TXNDC11: variants seen among roughly 807,000 people sequenced by gnomAD.
TXNDC11 encodes thioredoxin domain-containing protein 11.
In TXNDC11, 68 loss-of-function variants were observed where a neutral mutation model predicts 78.0. The ratio of observed to expected loss-of-function variants is 0.87; its 90% CI spans 0.72 to 1.07. The LOEUF is 1.07. TXNDC11 is among the 50% of genes least tolerant of loss of function. TXNDC11 has a pLI of 0.00. For missense variants in TXNDC11, 1,389 were observed against 1,221.8 expected, an observed-to-expected ratio of 1.14 and a Z score of -2.04; for synonymous variants, 571 against 495.2, an observed-to-expected ratio of 1.15 and a Z score of -2.03.
chr16:11,679,200 C>G lies in TXNDC11; in HGVS notation c.2872G>C (p.Asp958His), dbSNP rs780104836. Residue 958 changes from aspartate (D) to histidine (H), a missense_variant, in exon 12 of 12, where the codon GAC becomes CAC. Physicochemically the swap from Asp to His is moderately conservative, Grantham distance 81. Transcript: ENST00000283033. The surrounding 1 kb of genome is among the most constrained non-coding windows in gnomAD (Gnocchi z 4.6). ...VSERNKENRT[D>H] ...TCTTCATATCATTTAAAAAGTTAGTCTGTCCTGTTCTCCTTATTCCTTTCA... is the reference window on the plus strand; with the variant it reads ...TCTTCATATCATTTAAAAAGTTAGTGTGTCCTGTTCTCCTTATTCCTTTCA... The G allele has an allele frequency of 6.2e-7, 1 of 1,613,272 alleles. No individual in the cohort carries two copies. Among genetic ancestry groups the G allele is most frequent in the East Asian group, 2.2e-5 (1 of 44,878 alleles).
chr16:11,679,605 G>A lies in TXNDC11; in HGVS notation c.2467C>T (p.Gln823Ter). Residue 823 changes from glutamine (Q) to a stop codon, truncating the protein, a stop_gained, in exon 12 of 12, where the codon CAG becomes TAG. Coordinates refer to ENST00000283033, the MANE Select transcript of TXNDC11 (RefSeq NM_015914.7). LOFTEE classifies it low-confidence loss of function (END_TRUNC). This position sits in a 1 kb window ranked among gnomAD's most constrained non-coding sequence, Gnocchi z 4.6. ...EISSLQRAQV[Q>*]VESQLSSARR... ...GCACTGGAGAGCTGGGACTCCACCT[G>A]CACTTGTGCTCGCTGGAGGCTGCTT... The A allele has an allele frequency of 2.5e-6, 4 of 1,614,158 alleles. No individual in the cohort carries two copies. The highest frequency in any genetic ancestry group is 3.4e-6 in the Non-Finnish European group (4 of 1,180,036).
chr16:11,709,484 G>C (rs568369277), intron 5 of TXNDC11, among the ~76,000 whole-genome samples: 123 of 139,372 alleles, frequency 8.8e-4, no homozygotes, highest in Non-Finnish European at 1.1e-3. Flanking sequence ...GCCCAGGCTG[G>C]AGTGCAGTGG....
At chr16:11,681,557 T>C (rs1041839675) in intron 11 of TXNDC11, among the ~76,000 whole-genome samples, 1 of 152,282 alleles carries the variant, frequency 6.6e-6, no homozygotes, top group Middle Eastern at 3.4e-3. Context: ...GAGGTCCCCA[T>C]GTCTATGCAA....
chr16:11,699,451 G>A (rs1025909072), intron 6 of TXNDC11, among the ~76,000 whole-genome samples: 2 of 152,254 alleles, frequency 1.3e-5, no homozygotes, highest in Non-Finnish European at 2.9e-5. Context: ...TAGGTGGGCA[G>A]CAGAGAAACA....
chr16:11,721,665 T>G lies in TXNDC11; in HGVS notation c.705A>C (p.Gly235=), dbSNP rs556690714. The change falls in exon 5 of 12, where the codon GGA becomes GGC. Residue 235 remains glycine (G), a synonymous_variant. Transcript: ENST00000283033. The part of the protein sequence containing the change: ...LLDFLSNYEP[G]VLGYFEFSGS... ...CACTGAACTCAAAGTACCCGAGTAC[T>G]CCAGGCTGCAGGAAAAAGAGCAGAA... 4.4e-5 allele frequency: 70 copies of G among 1,608,120 alleles called. No individual in the cohort carries two copies. The East Asian group carries it at 1.2e-3, about 28-fold the overall frequency.
chr16:11,737,263 T>C (rs768997579), intron 1 of TXNDC11, among the ~76,000 whole-genome samples: 13 of 151,378 alleles, frequency 8.6e-5, no homozygotes, highest in Admixed American at 2.0e-4. Flanking sequence ...CTGGCCAACA[T>C]GGTGAAACCC....
chr16:11,680,191 G>T (rs1179721019), intron 11 of TXNDC11, among the ~76,000 whole-genome samples: 3 of 152,244 alleles, frequency 2.0e-5, no homozygotes, highest in Non-Finnish European at 4.4e-5. Flanking sequence ...GAGATGCCCA[G>T]CGGCTGTGTC....
Position 11,697,975 on chromosome 16 carries a change from G to A in TXNDC11, c.1107+150C>T, listed in dbSNP as rs965627952. On this transcript the variant is annotated intron_variant, in intron 7 of 11. Coordinates refer to ENST00000283033, the MANE Select transcript of TXNDC11 (RefSeq NM_015914.7). ...GACACGGGCTCTCTCCTGCCCATAT[G>A]GAGGGGCAAAGAGCAATGCTCAGAG... The A allele has an allele frequency of 9.6e-6, 7 of 726,582 alleles. No homozygotes were observed. The African/African-American group carries it at 1.2e-4, about 13-fold the overall frequency. 45.0% of individuals were successfully genotyped at this position (726,582 alleles called of 1,614,324 possible).
At chr16:11,700,394 G>A in intron 6 of TXNDC11, 58 bp downstream of exon 6, 1 of 778,710 alleles carries the variant, frequency 1.3e-6, no homozygotes, top group Admixed American at 2.4e-5. Flanking sequence ...AGGAGTCTGT[G>A]ACCTAAACAA....
intron 5 of TXNDC11, among the ~76,000 whole-genome samples, chr16:11,703,941 A>G (rs1656969194): frequency 1.3e-5 from 2 of 152,206 alleles, no homozygotes; most frequent in South Asian, 4.1e-4. Context: ...AAAATACAAG[A>G]ATTAGCCGGA....
At chr16:11,704,969 G>A (rs180833153) in intron 5 of TXNDC11, among the ~76,000 whole-genome samples, 93 of 151,844 alleles carry the variant, frequency 6.1e-4, no homozygotes, top group African/African-American at 2.2e-3. Context: ...GAGTACAGTG[G>A]TGCATCTCGG....
At chr16:11,737,564 G>A (rs1024184865) in intron 1 of TXNDC11, among the ~76,000 whole-genome samples, 12 of 150,816 alleles carry the variant, frequency 8.0e-5, no homozygotes, top group African/African-American at 2.9e-4. Context: ...CAACAATTAC[G>A]TTAAATATAA....
chr16:11,692,914 C>T (rs779413953), intron 7 of TXNDC11, among the ~76,000 whole-genome samples: 28 of 152,248 alleles, frequency 1.8e-4, no homozygotes, highest in Non-Finnish European at 3.5e-4. Context: ...GACACCGGCT[C>T]CTCCATCTGT....
intron 7 of TXNDC11, among the ~76,000 whole-genome samples, chr16:11,692,791 G>T (rs1166963343): frequency 6.6e-6 from 1 of 152,122 alleles, no homozygotes; most frequent in African/African-American, 2.4e-5. Context: ...CGCTGCCCAT[G>T]AGATAAAACC....
chr16:11,741,284 G>C (rs1345593646), intron 1 of TXNDC11, among the ~76,000 whole-genome samples: 1 of 152,178 alleles, frequency 6.6e-6, no homozygotes, highest in Non-Finnish European at 1.5e-5. Context: ...TAGCAATACA[G>C]ATCTTATAAA....
At chr16:11,701,625 G>A (rs932076781) in intron 5 of TXNDC11, among the ~76,000 whole-genome samples, 2 of 152,042 alleles carry the variant, frequency 1.3e-5, no homozygotes, top group African/African-American at 4.8e-5. Context: ...ACAAACCACA[G>A]AAAAGGAAAT....
Position 11,713,998 on chromosome 16 carries a change from A to G in TXNDC11, c.793+7579T>C, listed in dbSNP as rs574152613. Among the ~76,000 whole-genome samples, 329 of 152,198 alleles carry G rather than the reference A, an allele frequency of 2.2e-3. 2 individuals are homozygous for G. Among genetic ancestry groups the G allele is most frequent in the African/African-American group, 7.5e-3 (310 of 41,520 alleles). On this transcript the variant is annotated intron_variant, in intron 5 of 11. Transcript: ENST00000283033. ...TGCTTGTCAGTCCCTTGTTTTTTCA[A>G]TGCCTTTTAAAATGTCCCATACTGA...
At chr16:11,715,280 G>C (rs1245973539) in intron 5 of TXNDC11, among the ~76,000 whole-genome samples, 1 of 152,058 alleles carries the variant, frequency 6.6e-6, no homozygotes, top group Non-Finnish European at 1.5e-5. Flanking sequence ...TGGTATTTAG[G>C]TACCATGTGA....
At chr16:11,704,018 G>A (rs974059010) in intron 5 of TXNDC11, among the ~76,000 whole-genome samples, 2 of 152,156 alleles carry the variant, frequency 1.3e-5, no homozygotes, top group African/African-American at 2.4e-5. Context: ...CTTGAACCCG[G>A]GAGGTGCAGG....
Sources: gnomAD v4.1 joint callset for allele counts (sites outside exome capture counted in the v4.1 genomes callset) on GRCh38, gnomAD v4.1.1 for gene constraint, Gnocchi (gnomAD v3.1) non-coding constraint, MANE v1.5 for transcripts, NCBI Gene and HGNC (gene_info 2026-07-23, HGNC 2026-07-21) for gene names.